The following SNRPG variants were observed in gnomAD, a reference collection of about 807,000 sequenced individuals.
SNRPG encodes the protein small nuclear ribonucleoprotein G.
A neutral mutation model predicts 13.9 loss-of-function variants in SNRPG; 3 were observed. The ratio of observed to expected loss-of-function variants is 0.22; its 90% CI spans 0.10 to 0.56. SNRPG has a LOEUF of 0.56. Ranked by LOEUF, SNRPG falls within the 20% of genes least tolerant of loss-of-function variation. The probability of loss-of-function intolerance (pLI) is 0.93; values close to 1 mark genes in which losing one functional copy is unlikely to be tolerated. For missense variants in SNRPG, 34 were observed against 96.1 expected, an observed-to-expected ratio of 0.35 and a Z score of 2.70; for synonymous variants, 29 against 29.3, an observed-to-expected ratio of 0.99 and a Z score of 0.03.
intron 2 of SNRPG, among the ~76,000 whole-genome samples, chr2:70,289,001 A>G (rs1697012085): frequency 6.6e-6 from 1 of 152,064 alleles, no homozygotes; most frequent in Non-Finnish European, 1.5e-5. Flanking sequence ...CCCAGGCTGG[A>G]GTGCAGTACC....
At chr2:70,292,461 C>T (rs530109663) in intron 1 of SNRPG, among the ~76,000 whole-genome samples, 15 of 152,182 alleles carry the variant, frequency 9.9e-5, no homozygotes, top group Admixed American at 4.6e-4. Flanking sequence ...GATTCTCCTG[C>T]CTCAACCTCC....
intron 1 of SNRPG, among the ~76,000 whole-genome samples, chr2:70,289,764 T>C (rs13417067): frequency 0.023 from 3,551 of 152,102 alleles, 136 homozygotes; most frequent in African/African-American, 0.08. Flanking sequence ...TGAGCCATGA[T>C]TGCGCCACTG....
chr2:70,291,042 CACACACACACACACACAT>C (rs2104923933), intron 1 of SNRPG, among the ~76,000 whole-genome samples: 1 of 132,912 alleles, frequency 7.5e-6, no homozygotes, highest in Non-Finnish European at 1.7e-5. Flanking sequence ...CACACACACA[CACACACACACACACACAT>C]ATATGAAGTA....
At chr2:70,285,776 A>G (rs140920780) in intron 3 of SNRPG, among the ~76,000 whole-genome samples, 15 of 152,284 alleles carry the variant, frequency 9.9e-5, no homozygotes, top group African/African-American at 2.9e-4. Flanking sequence ...TTGTGCTTCA[A>G]TGATGCTACA....
chr2:70,290,576 A>G (rs1199512067), intron 1 of SNRPG, among the ~76,000 whole-genome samples: 2 of 152,054 alleles, frequency 1.3e-5, no homozygotes, highest in African/African-American at 4.8e-5. Context: ...TGTTTAGTAT[A>G]TGGGCCACGA....
chr2:70,288,218 T>C, intron 2 of SNRPG, 26 bp from the exon 3 acceptor site: 1 of 1,599,036 alleles, frequency 6.3e-7, no homozygotes, highest in Non-Finnish European at 8.6e-7. Flanking sequence ...AAAGAAGTTT[T>C]AGAAAAACAT....
chr2:70,283,021 G>A (rs1696835884), intron 3 of SNRPG, among the ~76,000 whole-genome samples: 1 of 149,330 alleles, frequency 6.7e-6, no homozygotes, highest in African/African-American at 2.5e-5. Flanking sequence ...CTTGAACCCG[G>A]GAGGCGGAGG....
At chr2:70,289,268 A>G (rs1046956891) in intron 2 of SNRPG, 82 bp downstream of exon 2, 1 of 865,802 alleles carries the variant, frequency 1.2e-6, no homozygotes, top group Non-Finnish European at 1.8e-6. Context: ...AAATTTTTAT[A>G]AAGTTGCTCC....
chr2:70,293,047 T>C (rs1403660112), intron 1 of SNRPG: 2 of 675,440 alleles, frequency 3.0e-6, no homozygotes, highest in Non-Finnish European at 5.3e-6. Flanking sequence ...TGAATGTTCT[T>C]ATATAGTTTC....
intron 1 of SNRPG, among the ~76,000 whole-genome samples, chr2:70,290,711 C>T (rs1170989572): frequency 2.0e-5 from 3 of 150,584 alleles, no homozygotes; most frequent in African/African-American, 7.3e-5. Flanking sequence ...ATGGGCTGGG[C>T]GCGGTGGCTC....
At chr2:70,293,268 G>C in intron 1 of SNRPG, 1 of 701,080 alleles carries the variant, frequency 1.4e-6, no homozygotes, top group South Asian at 1.5e-5. Context: ...TCCCCCTCTA[G>C]CCGTCTATCT....
chr2:70,281,750 AG>A (rs1224704457), intron 3 of SNRPG, 66 bp from the exon 4 acceptor site: 1 of 884,128 alleles, frequency 1.1e-6, no homozygotes, highest in African/African-American at 1.7e-5. Context: ...TGATGATTTA[AG>A]AATTTTCACC....
chr2:70,282,968 C>A (rs1300893133), intron 3 of SNRPG, among the ~76,000 whole-genome samples: 1 of 151,834 alleles, frequency 6.6e-6, no homozygotes, highest in Non-Finnish European at 1.5e-5. Context: ...GTGGCACATG[C>A]CTGTAATCCC....
chr2:70,287,032 C>T (rs1696958786), intron 3 of SNRPG, among the ~76,000 whole-genome samples: 1 of 152,084 alleles, frequency 6.6e-6, no homozygotes. Context: ...CTTGGGGGTA[C>T]AGTGTGGTAT....
At chr2:70,289,881 G>A (rs947021923) in intron 1 of SNRPG, among the ~76,000 whole-genome samples, 11 of 152,066 alleles carry the variant, frequency 7.2e-5, no homozygotes, top group Non-Finnish European at 1.3e-4. Flanking sequence ...AATTTGGGAA[G>A]AGGAAAGGCA....
At chr2:70,287,724 C>T (rs778771142) in intron 3 of SNRPG, 2 of 392,502 alleles carry the variant, frequency 5.1e-6, no homozygotes, top group Non-Finnish European at 9.1e-6. Flanking sequence ...GTAGAATCTT[C>T]ATTTTAAGAA....
At position 70,288,134 on chromosome 2, in the gene SNRPG, C is replaced by T. The variant is rs772783462; in HGVS notation, c.114G>A (p.Met38Ile). The change falls in exon 3 of 4, where the codon ATG becomes ATA. Residue 38 changes from methionine to isoleucine, a missense_variant. Coordinates refer to ENST00000272348, the MANE Select transcript of SNRPG (RefSeq NM_003096.4). ...QGILRGFDPF[M>I]NLVIDECVEM... ...CCACACATTCATCTATCACAAGGTTCATAAAGGGATCAAATCCCCGCAATA... is the reference window on the plus strand; with the variant it reads ...CCACACATTCATCTATCACAAGGTTTATAAAGGGATCAAATCCCCGCAATA... 1 of 1,610,124 alleles carries T rather than the reference C, an allele frequency of 6.2e-7. No homozygotes were observed. The highest frequency in any genetic ancestry group is 8.5e-7 in the Non-Finnish European group (1 of 1,176,856).
intron 3 of SNRPG, among the ~76,000 whole-genome samples, chr2:70,282,186 G>T (rs370341587): frequency 6.6e-6 from 1 of 152,240 alleles, no homozygotes; most frequent in South Asian, 2.1e-4. Flanking sequence ...AAAGTGCTGG[G>T]ATTACAGGCG....
chr2:70,286,087 C>T (rs1165719931), intron 3 of SNRPG, among the ~76,000 whole-genome samples: 2 of 152,080 alleles, frequency 1.3e-5, no homozygotes, highest in Admixed American at 6.6e-5. Context: ...CCACCATGCC[C>T]GGCTAATTTT....
Sources: gnomAD v4.1 joint callset for allele counts (sites outside exome capture counted in the v4.1 genomes callset) on GRCh38, gnomAD v4.1.1 for gene constraint, MANE v1.5 for transcripts, NCBI Gene and HGNC (gene_info 2026-07-23, HGNC 2026-07-21) for gene names.